TMEM132B: variants seen among roughly 807,000 people sequenced by gnomAD.
TMEM132B encodes the protein transmembrane protein 132B.
Under a neutral mutation model 90.8 loss-of-function variants are expected in TMEM132B, and 18 were observed. The observed-to-expected ratio is 0.20, with a 90% CI of 0.14 to 0.29. The LOEUF (loss-of-function observed/expected upper bound fraction) is 0.29, where lower values mean the gene tolerates loss of function less well. TMEM132B is among the 10% of genes least tolerant of loss of function. The pLI, the probability that TMEM132B is intolerant of heterozygous loss-of-function variation, is 1.00. For synonymous variants in TMEM132B, 504 were observed against 523.3 expected (o/e 0.96, Z 0.50); for missense variants, 1,096 against 1,326.8 (o/e 0.83, Z 2.70).
intron 1 of TMEM132B, among the ~76,000 whole-genome samples, chr12:125,207,710 C>A (rs533513266): frequency 6.6e-6 from 1 of 152,208 alleles, no homozygotes; most frequent in African/African-American, 2.4e-5. Context: ...AAAATGGAAA[C>A]CCCATACCCA....
chr12:125,545,681 G>T (rs1884073320), intron 4 of TMEM132B, among the ~76,000 whole-genome samples: 1 of 152,180 alleles, frequency 6.6e-6, no homozygotes, highest in South Asian at 2.1e-4. Context: ...ACGTTTGAAG[G>T]AGCTTCCAGC....
intron 1 of TMEM132B, among the ~76,000 whole-genome samples, chr12:125,304,852 A>T (rs911121350): frequency 1.3e-5 from 2 of 152,060 alleles, no homozygotes; most frequent in African/African-American, 4.8e-5. Flanking sequence ...TAAAAAAAAA[A>T]ATCTTTTCTT....
intron 2 of TMEM132B, among the ~76,000 whole-genome samples, chr12:125,378,187 A>C (rs931851595): frequency 6.6e-5 from 10 of 152,146 alleles, no homozygotes; most frequent in African/African-American, 2.4e-4. Context: ...TGTACATTGA[A>C]ATACCTGTGG....
intron 4 of TMEM132B, among the ~76,000 whole-genome samples, chr12:125,545,362 T>C (rs1384859745): frequency 6.6e-6 from 1 of 152,240 alleles, no homozygotes; most frequent in Non-Finnish European, 1.5e-5. Context: ...TCATTTAGGA[T>C]ACATCCTTAG....
intron 4 of TMEM132B, among the ~76,000 whole-genome samples, chr12:125,551,302 G>T (rs930853807): frequency 1.1e-4 from 17 of 152,234 alleles, no homozygotes; most frequent in Admixed American, 6.5e-4. Context: ...CAGATCAGCA[G>T]TGAGTGTGAC....
At chr12:125,565,871 G>A (rs758917319) in intron 4 of TMEM132B, among the ~76,000 whole-genome samples, 8 of 152,212 alleles carry the variant, frequency 5.3e-5, no homozygotes, top group Non-Finnish European at 7.3e-5. Flanking sequence ...AGGAATGCCT[G>A]TTCTTATTTA....
At chr12:125,318,425 T>A (rs562455814) in intron 1 of TMEM132B, among the ~76,000 whole-genome samples, 5 of 152,220 alleles carry the variant, frequency 3.3e-5, no homozygotes, top group African/African-American at 1.2e-4. Context: ...CGTAGGTAAA[T>A]GTGTGCGATG....
intron 2 of TMEM132B, among the ~76,000 whole-genome samples, chr12:125,389,698 A>G (rs1296791475): frequency 2.0e-5 from 3 of 152,174 alleles, no homozygotes; most frequent in Non-Finnish European, 4.4e-5. Context: ...GCATTCCATC[A>G]GTTCCATGCA....
intron 4 of TMEM132B, among the ~76,000 whole-genome samples, chr12:125,531,568 A>G (rs1027277340): frequency 2.6e-5 from 4 of 152,132 alleles, no homozygotes; most frequent in Admixed American, 2.0e-4. Flanking sequence ...CAAAACTACA[A>G]GTTTGTCAGT....
intron 1 of TMEM132B, among the ~76,000 whole-genome samples, chr12:125,207,856 A>G (rs919364275): frequency 3.3e-5 from 5 of 152,236 alleles, no homozygotes; most frequent in South Asian, 2.1e-4. Context: ...TTAACATTGT[A>G]TCTTCGAGGT....
intron 2 of TMEM132B, among the ~76,000 whole-genome samples, chr12:125,371,644 AG>A (rs1484053103): frequency 1.3e-5 from 2 of 152,214 alleles, no homozygotes; most frequent in African/African-American, 4.8e-5. Context: ...TTGTGTTCAC[AG>A]TAGATCTGCT....
intron 1 of TMEM132B, among the ~76,000 whole-genome samples, chr12:125,238,581 G>A (rs1873994986): frequency 6.6e-6 from 1 of 152,156 alleles, no homozygotes; most frequent in Non-Finnish European, 1.5e-5. Flanking sequence ...GATAAGTCTG[G>A]TGCTTCTGTT....
At chr12:125,293,638 T>C (rs1323401845) in intron 1 of TMEM132B, among the ~76,000 whole-genome samples, 1 of 152,262 alleles carries the variant, frequency 6.6e-6, no homozygotes, top group African/African-American at 2.4e-5. Flanking sequence ...TTGTTCTTTT[T>C]TATGGCTATG....
intron 6 of TMEM132B, among the ~76,000 whole-genome samples, chr12:125,648,966 C>A (rs1886837034): frequency 6.6e-6 from 1 of 152,140 alleles, no homozygotes; most frequent in Admixed American, 6.5e-5. Context: ...TAAAGACATC[C>A]TAGCACAGAA....
intron 1 of TMEM132B, among the ~76,000 whole-genome samples, chr12:125,322,736 A>G (rs997843301): frequency 6.6e-6 from 1 of 152,226 alleles, no homozygotes; most frequent in Non-Finnish European, 1.5e-5. Context: ...CAAAAAGTAT[A>G]AAAGTGATTA....
chr12:125,435,001 C>T (rs575601117), intron 3 of TMEM132B, among the ~76,000 whole-genome samples: 5 of 152,308 alleles, frequency 3.3e-5, no homozygotes, highest in African/African-American at 9.6e-5. Flanking sequence ...GGGAAACCCT[C>T]GGGAAAATCC....
chr12:125,200,352 T>G (rs1278448449), intron 1 of TMEM132B, among the ~76,000 whole-genome samples: 7 of 152,240 alleles, frequency 4.6e-5, no homozygotes, highest in Non-Finnish European at 1.0e-4. Flanking sequence ...CTGTGTATTT[T>G]TTCCTGTAGG....
intron 2 of TMEM132B, among the ~76,000 whole-genome samples, chr12:125,366,220 G>A (rs1020912301): frequency 2.6e-5 from 4 of 151,994 alleles, no homozygotes; most frequent in African/African-American, 9.7e-5. Flanking sequence ...TTTTATGGCT[G>A]AATAATATTG....
chr12:125,500,294 C>T (rs1882664597), intron 3 of TMEM132B, among the ~76,000 whole-genome samples: 2 of 152,202 alleles, frequency 1.3e-5, no homozygotes. Context: ...ATTGGCATTT[C>T]AGGCTGGGGG....
Sources: allele counts gnomAD v4.1 joint callset (sites outside exome capture counted in the v4.1 genomes callset), GRCh38; gene constraint gnomAD v4.1.1; transcripts MANE v1.5; gene names NCBI Gene and HGNC (gene_info 2026-07-23, HGNC 2026-07-21).